Variants in GDAP1 observed in about 807,000 individuals in gnomAD.
The protein encoded by GDAP1 is ganglioside induced differentiation associated protein 1, also known as ganglioside-induced differentiation-associated protein 1.
Under a neutral mutation model 40.1 loss-of-function variants are expected in GDAP1, and 34 were observed. The ratio of observed to expected loss-of-function variants is 0.85; its 90% CI spans 0.64 to 1.13. The LOEUF (loss-of-function observed/expected upper bound fraction) is 1.13, where lower values mean the gene tolerates loss of function less well. GDAP1 is among the 50% of genes most tolerant of loss of function. The pLI, the probability that GDAP1 is intolerant of heterozygous loss-of-function variation, is 0.00. For synonymous variants in GDAP1, 170 were observed against 157.4 expected, an observed-to-expected ratio of 1.08 and a Z score of -0.60; for missense variants, 374 against 433.7, an observed-to-expected ratio of 0.86 and a Z score of 1.22.
chr8:74,483,819 C>G (rs1366323711), intron 2 of GDAP1, among the ~76,000 whole-genome samples: 1 of 152,134 alleles, frequency 6.6e-6, no homozygotes, highest in African/African-American at 2.4e-5. Context: ...TTTGTTGAAC[C>G]AGGATTTTCT....
At chr8:74,375,056 G>C (rs1270440826) in intron 2 of GDAP1, among the ~76,000 whole-genome samples, 1 of 128,322 alleles carries the variant, frequency 7.8e-6, no homozygotes, top group African/African-American at 3.0e-5. Flanking sequence ...GGCCAGGTGT[G>C]GAGGCTTATG....
intron 2 of GDAP1, among the ~76,000 whole-genome samples, chr8:74,437,808 G>T (rs1806111693): frequency 6.6e-6 from 1 of 152,028 alleles, no homozygotes; most frequent in African/African-American, 2.4e-5. Flanking sequence ...TGTAACTCTT[G>T]TTCATTCATT....
At chr8:74,407,665 T>C (rs1204831630) in intron 2 of GDAP1, among the ~76,000 whole-genome samples, 5 of 148,850 alleles carry the variant, frequency 3.4e-5, no homozygotes, top group Non-Finnish European at 7.4e-5. Flanking sequence ...TTCATATATC[T>C]ATATATTCTA....
downstream of GDAP1, among the ~76,000 whole-genome samples, chr8:74,368,571 A>G (rs1315044698): frequency 6.6e-6 from 1 of 152,228 alleles, no homozygotes; most frequent in Non-Finnish European, 1.5e-5. Flanking sequence ...ATCAAGAAAT[A>G]GCATCTGCAG....
chr8:74,429,817 T>C (rs1457751394), intron 2 of GDAP1, among the ~76,000 whole-genome samples: 5 of 152,190 alleles, frequency 3.3e-5, no homozygotes, highest in Non-Finnish European at 5.9e-5. Flanking sequence ...AGAATGTATG[T>C]ACAGTCAATA....
chr8:74,389,936 C>G (rs1259177925), intron 2 of GDAP1, among the ~76,000 whole-genome samples: 10 of 152,156 alleles, frequency 6.6e-5, no homozygotes, highest in Admixed American at 6.5e-4. Context: ...GATCTTCAAT[C>G]TCTGATATGT....
chr8:74,366,148 A>G lies in GDAP1; in HGVS notation c.*1781A>G, dbSNP rs1206394305. On this transcript the variant is annotated 3_prime_UTR_variant, in exon 6 of 6. Transcript: ENST00000220822. ...TTATATTATTCCTGAATCATAGGGA[A>G]TCTTTCTAGAATGTGTTTATAATTT... is the stretch of plus-strand genomic sequence containing the variant. 3 of 452,326 alleles carry G rather than the reference A, an allele frequency of 6.6e-6. No individual in the cohort carries two copies. The highest frequency in any genetic ancestry group is 1.3e-5 in the Non-Finnish European group (3 of 226,382). The allele number at this position is 452,326 out of a possible 1,614,324, so 28.0% of individuals were successfully genotyped here. A position where few individuals can be genotyped will look rare whatever the true frequency, so the allele number is the denominator to read the frequency against.
chr8:74,432,000 A>T (rs556896752), intron 2 of GDAP1, among the ~76,000 whole-genome samples: 2 of 152,214 alleles, frequency 1.3e-5, no homozygotes, highest in Non-Finnish European at 2.9e-5. Context: ...TATTTGGAGC[A>T]CATTTTGTCA....
chr8:74,384,934 C>A (rs1253219509), intron 2 of GDAP1, among the ~76,000 whole-genome samples: 1 of 152,098 alleles, frequency 6.6e-6, no homozygotes, highest in Non-Finnish European at 1.5e-5. Context: ...GGAACAATAT[C>A]CATATGGGTA....
At position 74,430,335 on chromosome 8, in the gene GDAP1, A is replaced by G. The variant is rs940997946; in HGVS notation, c.166-58343A>G. On this transcript the variant is annotated intron_variant, in intron 2 of 2. Transcript: ENST00000523640. ...CAAAATTACAGAAAGGTGTGTGGAC[A>G]TGGCTTTCATTGGATATCTACTGGA... 1.3e-5 allele frequency among the ~76,000 whole-genome samples: 2 copies of G among 152,230 alleles called. 1 individual carries two copies. Among genetic ancestry groups the G allele is most frequent in the Non-Finnish European group, 2.9e-5 (2 of 68,036 alleles).
chr8:74,467,365 C>T (rs761027015), intron 2 of GDAP1, among the ~76,000 whole-genome samples: 4 of 152,170 alleles, frequency 2.6e-5, no homozygotes, highest in Non-Finnish European at 5.9e-5. Context: ...TTCAGCTTCC[C>T]TGGTTCAAGT....
intron 2 of GDAP1, among the ~76,000 whole-genome samples, chr8:74,397,738 A>G (rs1331762269): frequency 6.6e-6 from 1 of 152,114 alleles, no homozygotes; most frequent in Admixed American, 6.6e-5. Context: ...TACCAGTACC[A>G]TGCTGTTTTG....
intron 2 of GDAP1, among the ~76,000 whole-genome samples, chr8:74,476,936 G>C (rs1192167830): frequency 6.6e-6 from 1 of 152,028 alleles, no homozygotes; most frequent in African/African-American, 2.4e-5. Flanking sequence ...TCATAAATTT[G>C]GTCTCTTTAC....
intron 2 of GDAP1, among the ~76,000 whole-genome samples, chr8:74,422,285 T>TTTCTTTCTTTCTTTC (rs1416353756): frequency 1.1e-5 from 1 of 87,690 alleles, no homozygotes; most frequent in African/African-American, 3.7e-5. Flanking sequence ...TTCTTTTTTC[T>TTTCTTTCTTTCTTTC]TTTCTTTCTT....
chr8:74,363,942 A>G, intron 5 of GDAP1, 43 bp from the exon 6 acceptor site: 1 of 1,588,384 alleles, frequency 6.3e-7, no homozygotes, highest in East Asian at 2.2e-5. Flanking sequence ...GTCTGTCTGT[A>G]GAGTGCTTGC....
chr8:74,370,506 G>A (rs901493359), downstream of GDAP1, among the ~76,000 whole-genome samples: 3 of 152,044 alleles, frequency 2.0e-5, no homozygotes, highest in African/African-American at 7.3e-5. Flanking sequence ...TGTTAGCTCT[G>A]GAGGAACACT....
At chr8:74,394,061 C>CA (rs952100447) in intron 2 of GDAP1, among the ~76,000 whole-genome samples, 13 of 151,724 alleles carry the variant, frequency 8.6e-5, no homozygotes, top group African/African-American at 2.4e-4. Flanking sequence ...GGACAATTTA[C>CA]AAAAAAAAGA....
rs1563465416 is a variant in GDAP1, at chr8:74,422,336, T to TC, written c.166-66341dup. Among the ~76,000 whole-genome samples the TC allele has an allele frequency of 2.0e-3, 119 of 59,420 alleles. 4 individuals are homozygous for TC. The highest frequency in any genetic ancestry group is 1.0e-2 in the African/African-American group (119 of 11,924). 39.0% of individuals were successfully genotyped at this position (59,420 alleles called of 152,430 possible). ...TTCTTTCTTTCTTTCTTTCTTTCTTTCTTTCTTTCTTTCTTCCCTTCCTTC... is the reference window on the plus strand; with the variant it reads ...TTCTTTCTTTCTTTCTTTCTTTCTTTCCTTTCTTTCTTTCTTCCCTTCCTTC... On this transcript the variant is annotated intron_variant, in intron 2 of 2. Coordinates refer to the GDAP1 transcript ENST00000523640.
At chr8:74,476,399 T>G (rs1339260833) in intron 2 of GDAP1, among the ~76,000 whole-genome samples, 1 of 152,200 alleles carries the variant, frequency 6.6e-6, no homozygotes, top group Non-Finnish European at 1.5e-5. Flanking sequence ...TGTATTCATG[T>G]GTTTTTGCAG....
Sources: allele counts gnomAD v4.1 joint callset (sites outside exome capture counted in the v4.1 genomes callset), GRCh38; gene constraint gnomAD v4.1.1; transcripts MANE v1.5; gene names NCBI Gene and HGNC (gene_info 2026-07-23, HGNC 2026-07-21).